The following DAB2IP variants were observed in gnomAD, a reference collection of about 807,000 sequenced individuals.
DAB2IP encodes disabled homolog 2-interacting protein.
Under a neutral mutation model 107.2 loss-of-function variants are expected in DAB2IP, and 28 were observed. That is an observed-to-expected ratio of 0.26 (90% CI 0.19 to 0.36). The LOEUF is 0.36. Among genes scored for constraint, DAB2IP ranks in the 10% least tolerant of loss-of-function variants. The pLI is 1.00. For missense variants in DAB2IP, 1,400 were observed against 1,644.7 expected, an observed-to-expected ratio of 0.85 and a Z score of 2.57; for synonymous variants, 755 against 706.4, an observed-to-expected ratio of 1.07 and a Z score of -1.09.
At chr9:121,752,046 T>A (rs1833154352) in intron 3 of DAB2IP, 1 of 985,040 alleles carries the variant, frequency 1.0e-6, no homozygotes, top group Admixed American at 6.1e-5. Flanking sequence ...TTTAGAAGGG[T>A]CTCGGCTGGG....
At chr9:121,655,253 G>C (rs1435433770) in intron 1 of DAB2IP, among the ~76,000 whole-genome samples, 1 of 152,126 alleles carries the variant, frequency 6.6e-6, no homozygotes, top group African/African-American at 2.4e-5. Flanking sequence ...GATTTGGGGG[G>C]ATCCTTTCCC....
At chr9:121,661,587 C>G (rs962009659) in intron 1 of DAB2IP, among the ~76,000 whole-genome samples, 14 of 152,098 alleles carry the variant, frequency 9.2e-5, no homozygotes, top group Non-Finnish European at 2.1e-4. Context: ...CGGGGAAATT[C>G]TGGAAGAGGC....
At chr9:121,710,645 C>A (rs1830297088) in intron 3 of DAB2IP, among the ~76,000 whole-genome samples, 1 of 152,180 alleles carries the variant, frequency 6.6e-6, no homozygotes, top group Admixed American at 6.5e-5. Context: ...TTCCATAGCA[C>A]TTCCCTTCCT....
intron 1 of DAB2IP, among the ~76,000 whole-genome samples, chr9:121,623,729 C>T (rs1488388830): frequency 1.3e-5 from 2 of 151,828 alleles, no homozygotes; most frequent in Non-Finnish European, 2.9e-5. Flanking sequence ...GCTCTATTGC[C>T]CAGGTTGGAG....
intron 1 of DAB2IP, among the ~76,000 whole-genome samples, chr9:121,603,532 G>T (rs770309247): frequency 3.9e-5 from 6 of 152,208 alleles, no homozygotes; most frequent in Non-Finnish European, 5.9e-5. Context: ...GGTGATAAGA[G>T]TCAGGACCTA....
intron 3 of DAB2IP, among the ~76,000 whole-genome samples, chr9:121,714,574 A>T (rs983872327): frequency 6.6e-6 from 1 of 152,330 alleles, no homozygotes; most frequent in South Asian, 2.1e-4. Context: ...ACAATGGGAC[A>T]GGTGCTCTGA....
chr9:121,703,861 A>C (rs990326850), intron 3 of DAB2IP, among the ~76,000 whole-genome samples: 2 of 152,132 alleles, frequency 1.3e-5, no homozygotes, highest in African/African-American at 4.8e-5. Context: ...GAGATAATAG[A>C]TGTTGCTGTG....
At chr9:121,768,405 G>GT in intron 9 of DAB2IP, 27 bp from the exon 10 acceptor site, 1 of 1,613,756 alleles carries the variant, frequency 6.2e-7, no homozygotes, top group African/African-American at 1.3e-5. Flanking sequence ...GGGCCCAGTA[G>GT]TGCTCACCCA....
intron 3 of DAB2IP, among the ~76,000 whole-genome samples, chr9:121,722,522 A>G (rs779933982): frequency 1.3e-5 from 2 of 152,104 alleles, no homozygotes; most frequent in Non-Finnish European, 2.9e-5. Flanking sequence ...TGTCCCAGAG[A>G]TTTGCCCAGG....
intron 1 of DAB2IP, among the ~76,000 whole-genome samples, chr9:121,666,978 A>G (rs1337924194): frequency 6.6e-6 from 1 of 151,880 alleles, no homozygotes; most frequent in African/African-American, 2.4e-5. Context: ...GGAAAGTTCT[A>G]ACAATCTGAA....
At position 121,651,769 on chromosome 9, in the gene DAB2IP, C is replaced by A. The variant is rs936149829; in HGVS notation, c.-7C>A. ...CAGGCCCGGCCCGGTGCCCGGCGGG[C>A]GGCAGCATGTCCGCGGGCGGCAGCG... On this transcript the variant is annotated 5_prime_UTR_variant, in exon 1 of 16. Coordinates refer to ENST00000408936, the Ensembl canonical transcript of DAB2IP. This position sits in a 1 kb window ranked among gnomAD's most constrained non-coding sequence, Gnocchi z 5.1. The A allele has an allele frequency of 1.5e-6, 2 of 1,355,586 alleles. No homozygotes were observed. Among genetic ancestry groups the A allele is most frequent in the South Asian group, 1.7e-5 (1 of 57,218 alleles). 84.0% of individuals were successfully genotyped at this position (1,355,586 alleles called of 1,614,324 possible).
At chr9:121,580,399 C>G (rs997009053) in intron 1 of DAB2IP, among the ~76,000 whole-genome samples, 1 of 152,108 alleles carries the variant, frequency 6.6e-6, no homozygotes, top group Non-Finnish European at 1.5e-5. Context: ...AGACCTAAGG[C>G]CAGGTACAGT....
chr9:121,656,789 A>G (rs895572953), intron 1 of DAB2IP, among the ~76,000 whole-genome samples: 1 of 152,224 alleles, frequency 6.6e-6, no homozygotes, highest in Non-Finnish European at 1.5e-5. Flanking sequence ...CTCATTTCAT[A>G]GGTGAGGAGA....
At chr9:121,694,118 G>A (rs566166967) in intron 2 of DAB2IP, among the ~76,000 whole-genome samples, 25 of 152,224 alleles carry the variant, frequency 1.6e-4, no homozygotes, top group Non-Finnish European at 2.8e-4. Context: ...CTTCCCTCCC[G>A]CCTTGGCTTT....
chr9:121,630,369 C>CA (rs1831829895), intron 1 of DAB2IP, among the ~76,000 whole-genome samples: 1 of 151,712 alleles, frequency 6.6e-6, no homozygotes, highest in South Asian at 2.1e-4. Flanking sequence ...ACTAAAAACA[C>CA]AAAAAATTAG....
At position 121,569,761 on chromosome 9, in the gene DAB2IP, C is replaced by T. The variant is rs552480321; in HGVS notation, c.40+2533C>T. 4.6e-5 allele frequency among the ~76,000 whole-genome samples: 7 copies of T among 152,346 alleles called. No individual in the cohort carries two copies. In the South Asian group the frequency reaches 1.4e-3, roughly 32 times the overall value. On this transcript the variant is annotated intron_variant, in intron 1 of 16. Coordinates refer to the DAB2IP transcript ENST00000259371. ...ACTTGAACTCGGGAGGCAAAAGCTA[C>T]AGTGAGCCAAGATCACGCTGCTGCA...
chr9:121,741,346 C>T (rs886733916), intron 3 of DAB2IP, among the ~76,000 whole-genome samples: 2 of 152,186 alleles, frequency 1.3e-5, no homozygotes, highest in African/African-American at 2.4e-5. Context: ...CATGACCACA[C>T]GTGAGCATGG....
At chr9:121,709,398 A>C in intron 3 of DAB2IP, among the ~76,000 whole-genome samples, 1 of 152,036 alleles carries the variant, frequency 6.6e-6, no homozygotes, top group Non-Finnish European at 1.5e-5. Context: ...GTGAGTGGCC[A>C]CTCAGGATGG....
chr9:121,619,554 G>C (rs1416739389), intron 1 of DAB2IP, among the ~76,000 whole-genome samples: 1 of 152,174 alleles, frequency 6.6e-6, no homozygotes, highest in East Asian at 1.9e-4. Context: ...ACAGTTTTGG[G>C]GCAGATTGAG....
Sources: gnomAD v4.1 joint callset for allele counts (sites outside exome capture counted in the v4.1 genomes callset) on GRCh38, gnomAD v4.1.1 for gene constraint, Gnocchi (gnomAD v3.1) non-coding constraint, MANE v1.5 for transcripts, NCBI Gene and HGNC (gene_info 2026-07-23, HGNC 2026-07-21) for gene names.